The following BMPER variants were observed in gnomAD, a reference collection of about 807,000 sequenced individuals.
BMPER encodes BMP binding endothelial regulator, also known as BMP-binding endothelial regulator protein.
A neutral mutation model predicts 87.3 loss-of-function variants in BMPER; 45 were observed. The observed-to-expected ratio is 0.52, with a 90% confidence interval of 0.41 to 0.66. The LOEUF (loss-of-function observed/expected upper bound fraction) is 0.66, where lower values mean the gene tolerates loss of function less well. BMPER is among the 30% of genes least tolerant of loss of function. The pLI is 0.00. For synonymous variants in BMPER, 326 were observed against 316.2 expected (o/e 1.03, Z -0.33); for missense variants, 784 against 867.5 (o/e 0.90, Z 1.21).
At chr7:33,982,194 G>A (rs1316515160) in intron 6 of BMPER, among the ~76,000 whole-genome samples, 2 of 152,154 alleles carry the variant, frequency 1.3e-5, no homozygotes, top group African/African-American at 4.8e-5. Flanking sequence ...TGGGAACTTC[G>A]ATGCCTGAAC....
chr7:34,058,464 G>T (rs1788343211), intron 10 of BMPER, among the ~76,000 whole-genome samples: 1 of 152,126 alleles, frequency 6.6e-6, no homozygotes, highest in African/African-American at 2.4e-5. Context: ...GCCAGGTTTT[G>T]TTTAACATCG....
chr7:33,964,929 C>T (rs1440091636), intron 3 of BMPER, among the ~76,000 whole-genome samples: 1 of 152,140 alleles, frequency 6.6e-6, no homozygotes. Context: ...ATTTCCCTGC[C>T]TCCATCTCTC....
At chr7:33,905,153 T>A (rs886062293), upstream of BMPER, 163 of 215,646 alleles carry the variant, frequency 7.6e-4, 1 homozygote, top group Admixed American at 2.3e-3. Flanking sequence ...AGGTGAGGAG[T>A]GCGGGAGTGG....
At chr7:34,024,378 AAAAAC>A (rs1787288400) in intron 6 of BMPER, among the ~76,000 whole-genome samples, 2 of 89,318 alleles carry the variant, frequency 2.2e-5, no homozygotes, top group African/African-American at 1.1e-4. Context: ...AAAAAAAAAA[AAAAAC>A]AATATATATA....
At chr7:33,993,734 TC>T (rs1786304714) in intron 6 of BMPER, among the ~76,000 whole-genome samples, 1 of 152,172 alleles carries the variant, frequency 6.6e-6, no homozygotes, top group South Asian at 2.1e-4. Context: ...TCTGTTTTTT[TC>T]CCCATCTTTG....
intron 5 of BMPER, among the ~76,000 whole-genome samples, chr7:33,973,345 C>T (rs888845947): frequency 6.6e-6 from 1 of 152,220 alleles, no homozygotes; most frequent in Non-Finnish European, 1.5e-5. Flanking sequence ...GAGGGCCCCA[C>T]ACTTACCAGG....
chr7:34,028,008 A>C (rs1249796934), intron 6 of BMPER, among the ~76,000 whole-genome samples: 1 of 152,098 alleles, frequency 6.6e-6, no homozygotes, highest in Admixed American at 6.6e-5. Context: ...ATAGAGCAAT[A>C]CATTTTAATA....
At chr7:34,010,781 A>C (rs1298612646) in intron 6 of BMPER, among the ~76,000 whole-genome samples, 2 of 151,924 alleles carry the variant, frequency 1.3e-5, no homozygotes, top group Non-Finnish European at 1.5e-5. Flanking sequence ...ACATTTATGA[A>C]ATCTGAACTT....
At chr7:34,017,175 G>C (rs1396659661) in intron 6 of BMPER, among the ~76,000 whole-genome samples, 1 of 151,920 alleles carries the variant, frequency 6.6e-6, no homozygotes. Flanking sequence ...AGGAGAGTCT[G>C]GTTCGGTAGG....
chr7:34,028,758 C>G (rs1787444934), intron 6 of BMPER, among the ~76,000 whole-genome samples: 1 of 151,656 alleles, frequency 6.6e-6, no homozygotes. Flanking sequence ...GAGGCACTAA[C>G]CGTGGGTTCT....
chr7:34,095,846 G>A lies in BMPER; in HGVS notation c.1745+9754G>A, dbSNP rs566419203. On this transcript the variant is annotated intron_variant, in intron 13 of 14. Coordinates refer to ENST00000649409, the MANE Select transcript of BMPER (RefSeq NM_001365308.1). ...TTTTATTCTGCATGTAGTTTTGTAAGCTGACTTAAATCCTTTCTGGAACAA... is the reference window on the plus strand; with the variant it reads ...TTTTATTCTGCATGTAGTTTTGTAAACTGACTTAAATCCTTTCTGGAACAA... Among the ~76,000 whole-genome samples the A allele has an allele frequency of 9.7e-4, 147 of 152,004 alleles. 1 individual carries two copies. Among genetic ancestry groups the A allele is most frequent in the African/African-American group, 3.3e-3 (138 of 41,460 alleles).
At chr7:34,076,066 C>G (rs1330401541) in intron 11 of BMPER, among the ~76,000 whole-genome samples, 1 of 152,184 alleles carries the variant, frequency 6.6e-6, no homozygotes, top group Non-Finnish European at 1.5e-5. Flanking sequence ...TTTCCAAACC[C>G]TTCTCTTCCA....
intron 6 of BMPER, among the ~76,000 whole-genome samples, chr7:34,009,309 A>G (rs1786817269): frequency 1.3e-5 from 2 of 151,932 alleles, no homozygotes; most frequent in South Asian, 2.1e-4. Flanking sequence ...ATGTTCTGAG[A>G]TTAGACCTTA....
At chr7:33,996,370 G>A (rs1186953685) in intron 6 of BMPER, among the ~76,000 whole-genome samples, 4 of 152,104 alleles carry the variant, frequency 2.6e-5, no homozygotes, top group Admixed American at 2.6e-4. Context: ...ATGGTTACCT[G>A]CTTAAATTCA....
intron 11 of BMPER, among the ~76,000 whole-genome samples, chr7:34,062,305 A>G (rs1483394224): frequency 6.6e-6 from 1 of 152,200 alleles, no homozygotes; most frequent in Non-Finnish European, 1.5e-5. Context: ...TTAGGTTTTA[A>G]AAAGGACCAG....
intron 3 of BMPER, among the ~76,000 whole-genome samples, chr7:33,959,526 A>G (rs1785220378): frequency 6.6e-6 from 1 of 152,198 alleles, no homozygotes. Context: ...TGCTGAAGAT[A>G]GGATGGTTTT....
intron 3 of BMPER, among the ~76,000 whole-genome samples, chr7:33,942,729 G>A (rs1229656499): frequency 6.6e-6 from 1 of 152,176 alleles, no homozygotes; most frequent in African/African-American, 2.4e-5. Context: ...AGACCATGTA[G>A]GCGTGAGAAA....
intron 11 of BMPER, 59 bp downstream of exon 11, chr7:34,062,106 C>A: frequency 1.4e-6 from 2 of 1,473,684 alleles, no homozygotes; most frequent in Non-Finnish European, 1.9e-6. Flanking sequence ...TATAGTGCAA[C>A]AAGAAAAATA....
At position 33,938,483 on chromosome 7, in the gene BMPER, G is replaced by A. The variant is rs1784665307; in HGVS notation, c.319+1095G>A. ...GACACACAAAGAGTGGCAGAAGCTG[G>A]AGTGATGCTGCCACCAGCTTAGGAG... On this transcript the variant is annotated intron_variant, in intron 3 of 14. Coordinates refer to ENST00000649409, the MANE Select transcript of BMPER (RefSeq NM_001365308.1). Among the ~76,000 whole-genome samples the A allele has an allele frequency of 6.6e-5, 10 of 152,272 alleles. No individual in the cohort carries two copies. The South Asian group carries it at 2.1e-3, about 32-fold the overall frequency.
Sources: allele counts gnomAD v4.1 joint callset (sites outside exome capture counted in the v4.1 genomes callset), GRCh38; gene constraint gnomAD v4.1.1; transcripts MANE v1.5; gene names NCBI Gene and HGNC (gene_info 2026-07-23, HGNC 2026-07-21).